CACNA1S: variants seen among roughly 807,000 people sequenced by gnomAD.
CACNA1S encodes calcium voltage-gated channel subunit alpha1 S.
In CACNA1S, 126 loss-of-function variants were observed where a neutral mutation model predicts 207.4. That is an observed-to-expected ratio of 0.61 (90% CI 0.53 to 0.70). CACNA1S has a LOEUF of 0.70. Ranked by LOEUF, CACNA1S falls within the 30% of genes least tolerant of loss-of-function variation. The pLI is 0.00. For missense variants in CACNA1S, 2,349 were observed against 2,422.8 expected (o/e 0.97, Z 0.64); for synonymous variants, 960 against 932.7 (o/e 1.03, Z -0.53).
At chr1:201,092,904 G>C (rs1391475664) in intron 3 of CACNA1S, among the ~76,000 whole-genome samples, 1 of 152,190 alleles carries the variant, frequency 6.6e-6, no homozygotes, top group Non-Finnish European at 1.5e-5. Flanking sequence ...CTCTGGAGCC[G>C]AGACTGCTTT....
chr1:201,090,343 C>T (rs372862641), intron 5 of CACNA1S, among the ~76,000 whole-genome samples: 12 of 152,296 alleles, frequency 7.9e-5, no homozygotes, highest in African/African-American at 2.9e-4. Context: ...CACCTCCTAT[C>T]CATCCTGATA....
intron 38 of CACNA1S, among the ~76,000 whole-genome samples, chr1:201,045,713 C>T (rs1039357141): frequency 1.3e-4 from 15 of 119,384 alleles, no homozygotes; most frequent in African/African-American, 3.2e-4. Flanking sequence ...CCAGCCTGGG[C>T]GACAGCGAGA....
chr1:201,098,341 T>C (rs931117303), intron 2 of CACNA1S, among the ~76,000 whole-genome samples: 2 of 152,220 alleles, frequency 1.3e-5, no homozygotes, highest in Non-Finnish European at 2.9e-5. Flanking sequence ...GAAAATTCTA[T>C]GGCAATCTGC....
In CACNA1S at chr1:201,040,311, C is replaced by T. The variant is rs534324858; in HGVS notation, c.5290G>A (p.Glu1764Lys). ...GTGCTCCTGCTGTGGGGTGTCTCCT[C>T]ATGAAGAGACCCTGGTGTGGAGCTC... is the stretch of plus-strand genomic sequence containing the variant. Reference protein sequence around the residue: ...RKSSTPGSLHEETPHSRSTRE... With the variant: ...RKSSTPGSLHKETPHSRSTRE... Residue 1764 changes from glutamate to lysine, a missense_variant, in exon 43 of 44, where the codon GAG (glutamate) becomes AAG (lysine). Physicochemically the swap from Glu to Lys is moderately conservative, Grantham distance 56. Coordinates refer to ENST00000362061, the MANE Select transcript of CACNA1S (RefSeq NM_000069.3). 2 of 1,613,816 alleles carry T rather than the reference C, an allele frequency of 1.2e-6. No homozygotes were observed. The highest frequency in any genetic ancestry group is 2.2e-5 in the East Asian group (1 of 44,878).
At chr1:201,080,235 A>C (rs929594437) in intron 10 of CACNA1S, among the ~76,000 whole-genome samples, 1 of 152,136 alleles carries the variant, frequency 6.6e-6, no homozygotes, top group Non-Finnish European at 1.5e-5. Context: ...TCAAAGGCAC[A>C]TCAAACTCAC....
chr1:201,062,503 G>A lies in CACNA1S; in HGVS notation c.2865C>T (p.Phe955=), dbSNP rs1423492444. The change falls in exon 23 of 44, where the codon TTC becomes TTT. Residue 955 remains phenylalanine (F), a synonymous_variant. Transcript: ENST00000362061. ...IGVQLFKGKF[F]RCTDLSKMTE... ...TCATCTTGGACAAGTCGGTGCACCT[G>A]AAGAACTTCCCCTGCAGCCAGGAAG... 3.2e-6 allele frequency: 5 copies of A among 1,547,780 alleles called. No individual in the cohort carries two copies. The South Asian group carries it at 5.5e-5, about 17-fold the overall frequency.
intron 5 of CACNA1S, among the ~76,000 whole-genome samples, chr1:201,090,231 G>A (rs1035893483): frequency 1.3e-5 from 2 of 152,156 alleles, no homozygotes; most frequent in Non-Finnish European, 2.9e-5. Flanking sequence ...CAGAAGCCCC[G>A]ATCCGAGAGG....
Position 201,110,199 on chromosome 1 carries a change from G to A in CACNA1S, c.223C>T (p.Pro75Ser), listed in dbSNP as rs749003741. The stretch of plus-strand genomic sequence containing the variant: ...TTCAGAGAGTTGTTGTCATCTTCCG[G>A]CATGGGCAGGTACACGGCCAGGGCC... Reference protein sequence around the residue: ...CVALAVYLPMPEDDNNSLNLG... With the variant: ...CVALAVYLPMSEDDNNSLNLG... Residue 75 changes from proline (P) to serine (S), a missense_variant, in exon 2 of 44, where the codon CCG becomes TCG. Physicochemically the swap from Pro to Ser is moderately conservative, Grantham distance 74. Coordinates refer to ENST00000362061, the MANE Select transcript of CACNA1S (RefSeq NM_000069.3). The A allele has an allele frequency of 6.2e-7, 1 of 1,614,224 alleles. No individual in the cohort carries two copies. Among genetic ancestry groups the A allele is most frequent in the Non-Finnish European group, 8.5e-7 (1 of 1,180,034 alleles).
chr1:201,064,202 G>T (rs923898086), intron 22 of CACNA1S, among the ~76,000 whole-genome samples: 8 of 152,200 alleles, frequency 5.3e-5, no homozygotes, highest in Non-Finnish European at 1.5e-5. Context: ...AAAGGGATGA[G>T]GCAGACACAG....
intron 1 of CACNA1S, among the ~76,000 whole-genome samples, chr1:201,111,242 T>A (rs900420537): frequency 2.6e-5 from 4 of 152,056 alleles, no homozygotes; most frequent in African/African-American, 9.7e-5. Context: ...TTGCCCCACG[T>A]TTCTCTTGTC....
At chr1:201,111,765 C>T (rs1663112447) in intron 1 of CACNA1S, among the ~76,000 whole-genome samples, 1 of 152,168 alleles carries the variant, frequency 6.6e-6, no homozygotes, top group Admixed American at 6.5e-5. Flanking sequence ...CTAGTGGCAC[C>T]CCATGATAAT....
intron 6 of CACNA1S, among the ~76,000 whole-genome samples, chr1:201,088,154 C>T (rs564450957): frequency 6.6e-6 from 1 of 152,170 alleles, no homozygotes; most frequent in Non-Finnish European, 1.5e-5. Context: ...TGCTGACTGC[C>T]TACCTGGCCC....
chr1:201,106,353 C>T lies in CACNA1S; in HGVS notation c.258+3811G>A, dbSNP rs1398895567. ...CCCCACGTCACCCCAATCCATGCTC[C>T]ACATGGGGCCTGAGAGATTTTTCTA... On this transcript the variant is annotated intron_variant, in intron 2 of 43. Coordinates refer to ENST00000362061, the MANE Select transcript of CACNA1S (RefSeq NM_000069.3). 2.0e-5 allele frequency among the ~76,000 whole-genome samples: 3 copies of T among 152,136 alleles called. No individual in the cohort carries two copies. The South Asian group carries it at 6.2e-4, about 31-fold the overall frequency.
At chr1:201,098,458 G>A (rs1662518501) in intron 2 of CACNA1S, among the ~76,000 whole-genome samples, 1 of 152,328 alleles carries the variant, frequency 6.6e-6, no homozygotes, top group South Asian at 2.1e-4. Context: ...TGTCATCAAT[G>A]CAGTACACCC....
At chr1:201,042,607 G>A (rs1472126209) in intron 40 of CACNA1S, among the ~76,000 whole-genome samples, 1 of 152,214 alleles carries the variant, frequency 6.6e-6, no homozygotes, top group African/African-American at 2.4e-5. Flanking sequence ...TGAATTTAAG[G>A]GGTCTCTGTG....
intron 2 of CACNA1S, among the ~76,000 whole-genome samples, chr1:201,096,013 A>G (rs1269322190): frequency 6.6e-6 from 1 of 152,254 alleles, no homozygotes; most frequent in Non-Finnish European, 1.5e-5. Flanking sequence ...CCCCAGAGGG[A>G]TAGACAGAAG....
chr1:201,111,186 G>C (rs1158610203), intron 1 of CACNA1S, among the ~76,000 whole-genome samples: 2 of 152,158 alleles, frequency 1.3e-5, no homozygotes, highest in African/African-American at 4.8e-5. Context: ...CTGGCCGAGA[G>C]CGGGTCAGGG....
chr1:201,097,796 T>C (rs1463602920), intron 2 of CACNA1S, among the ~76,000 whole-genome samples: 1 of 152,192 alleles, frequency 6.6e-6, no homozygotes, highest in African/African-American at 2.4e-5. Flanking sequence ...GGAGGTTTTA[T>C]GGCTTGAGAA....
rs777977731 is a variant in CACNA1S, at chr1:201,040,334, C to G, written c.5267G>C (p.Ser1756Thr). Residue 1756 changes from serine to threonine, a missense_variant, in exon 43 of 44, where the codon AGC becomes ACC. By Grantham distance (58) the Ser-to-Thr change is moderately conservative (BLOSUM62 1). Coordinates refer to ENST00000362061, the MANE Select transcript of CACNA1S (RefSeq NM_000069.3). ...VESSMPEDRKSSTPGSLHEET... is the reference protein window; with the variant it reads ...VESSMPEDRKTSTPGSLHEET... ...CTCATGAAGAGACCCTGGTGTGGAGCTCTTTCTGTCCTCAGGCATGGAGGA... is the reference window on the plus strand; with the variant it reads ...CTCATGAAGAGACCCTGGTGTGGAGGTCTTTCTGTCCTCAGGCATGGAGGA... 1 of 1,613,872 alleles carries G rather than the reference C, an allele frequency of 6.2e-7. No homozygotes were observed. The highest frequency in any genetic ancestry group is 1.1e-5 in the South Asian group (1 of 91,044).
Sources: gnomAD v4.1 joint callset for allele counts (sites outside exome capture counted in the v4.1 genomes callset) on GRCh38, gnomAD v4.1.1 for gene constraint, MANE v1.5 for transcripts, NCBI Gene and HGNC (gene_info 2026-07-23, HGNC 2026-07-21) for gene names.